MVB12B: variants seen among roughly 807,000 people sequenced by gnomAD.
The protein encoded by MVB12B is ESCRT-I complex subunit MVB12B.
A neutral mutation model predicts 41.6 loss-of-function variants in MVB12B; 16 were observed. That is an observed-to-expected ratio of 0.38 (90% CI 0.26 to 0.58). MVB12B has a LOEUF of 0.58. Ranked by LOEUF, MVB12B falls within the 20% of genes least tolerant of loss-of-function variation. The probability of loss-of-function intolerance (pLI) is 0.62; values close to 1 mark genes in which losing one functional copy is unlikely to be tolerated. For missense variants in MVB12B, 274 were observed against 380.2 expected (o/e 0.72, Z 2.32); for synonymous variants, 133 against 139.7 (o/e 0.95, Z 0.34).
intron 7 of MVB12B, among the ~76,000 whole-genome samples, chr9:126,453,734 T>C (rs1832925516): frequency 6.6e-6 from 1 of 152,308 alleles, no homozygotes; most frequent in East Asian, 1.9e-4. Context: ...CACGTGTACA[T>C]ACATACCGTG....
rs1831075064 is a variant in MVB12B, at chr9:126,395,201, C to G, written c.540-374C>G. ...TCTTCTCATGGTTAAAAACCAGCAT[C>G]TCCCTATCTGTCTCTCCTAATTGCA... On this transcript the variant is annotated intron_variant, in intron 5 of 9. Coordinates refer to ENST00000361171, the MANE Select transcript of MVB12B (RefSeq NM_033446.3). This position sits in a 1 kb window ranked among gnomAD's most constrained non-coding sequence, Gnocchi z 4.9. Among the ~76,000 whole-genome samples, 1 of 152,240 alleles carries G rather than the reference C, an allele frequency of 6.6e-6. No individual in the cohort carries two copies. The highest frequency in any genetic ancestry group is 2.1e-4 in the South Asian group (1 of 4,834).
chr9:126,408,200 C>A (rs1330600858), intron 6 of MVB12B: 1 of 152,132 alleles, frequency 6.6e-6, no homozygotes, highest in Non-Finnish European at 1.5e-5. Flanking sequence ...ATTTTGCCGT[C>A]GCCATGGTTG....
chr9:126,369,022 T>G (rs1830262410), intron 2 of MVB12B, among the ~76,000 whole-genome samples: 1 of 152,200 alleles, frequency 6.6e-6, no homozygotes. Context: ...TGATGCTCCG[T>G]GGTTGAGTGA....
intron 7 of MVB12B, among the ~76,000 whole-genome samples, chr9:126,457,356 G>A (rs956211684): frequency 6.6e-6 from 1 of 152,156 alleles, no homozygotes; most frequent in Non-Finnish European, 1.5e-5. Context: ...TCTCAGCCAG[G>A]CTGAAATCTG....
intron 8 of MVB12B, among the ~76,000 whole-genome samples, chr9:126,482,706 G>C (rs543824674): frequency 6.6e-6 from 1 of 152,226 alleles, no homozygotes. Flanking sequence ...GCACCACACT[G>C]TTCCGTGGCT....
intron 7 of MVB12B, among the ~76,000 whole-genome samples, chr9:126,432,990 T>C (rs1832369284): frequency 6.6e-6 from 1 of 152,108 alleles, no homozygotes; most frequent in Admixed American, 6.5e-5. Flanking sequence ...ACTTGGCTGA[T>C]GGCAATGCTG....
intron 2 of MVB12B, among the ~76,000 whole-genome samples, chr9:126,342,800 G>T (rs1305072635): frequency 1.3e-5 from 2 of 152,190 alleles, no homozygotes; most frequent in Non-Finnish European, 2.9e-5. Flanking sequence ...TTTATCTGGA[G>T]TTTCATATTA....
At chr9:126,443,945 A>C (rs1832705812) in intron 7 of MVB12B, among the ~76,000 whole-genome samples, 1 of 152,240 alleles carries the variant, frequency 6.6e-6, no homozygotes, top group Non-Finnish European at 1.5e-5. Flanking sequence ...GGACTCATAC[A>C]ATATGTAGCT....
At chr9:126,428,825 T>G (rs1276123301) in intron 7 of MVB12B, among the ~76,000 whole-genome samples, 2 of 152,124 alleles carry the variant, frequency 1.3e-5, no homozygotes, top group African/African-American at 4.8e-5. Context: ...TGTCTTCTGG[T>G]GCAAGCCCCT....
In MVB12B at chr9:126,367,295, C is replaced by T. The variant is rs1564292354; in HGVS notation, c.205-13769C>T. Among the ~76,000 whole-genome samples the T allele has an allele frequency of 6.6e-6, 1 of 152,106 alleles. No individual in the cohort carries two copies. Among genetic ancestry groups the T allele is most frequent in the South Asian group, 2.1e-4 (1 of 4,804 alleles). Reference sequence around the variant, plus strand: ...GGATGGGGCAGGTCCTAAGACAGCACCTGCCCTGCAGCCTCCCAGGTTCCA... The same window carrying T: ...GGATGGGGCAGGTCCTAAGACAGCATCTGCCCTGCAGCCTCCCAGGTTCCA... On this transcript the variant is annotated intron_variant, in intron 2 of 9. Transcript: ENST00000361171. The surrounding 1 kb of genome is among the most constrained non-coding windows in gnomAD (Gnocchi z 4.3).
At chr9:126,380,250 T>G (rs939359887) in intron 2 of MVB12B, among the ~76,000 whole-genome samples, 2 of 152,088 alleles carry the variant, frequency 1.3e-5, no homozygotes, top group South Asian at 2.1e-4. Flanking sequence ...TCTCCTAGCC[T>G]TCTTCTCCTC....
At chr9:126,490,777 A>T (rs1833715319) in intron 9 of MVB12B, among the ~76,000 whole-genome samples, 1 of 152,222 alleles carries the variant, frequency 6.6e-6, no homozygotes. Context: ...AGAAGTTATA[A>T]ATCTAAGGGA....
chr9:126,432,895 T>C (rs1832366138), intron 7 of MVB12B, among the ~76,000 whole-genome samples: 1 of 152,146 alleles, frequency 6.6e-6, no homozygotes, highest in Non-Finnish European at 1.5e-5. Context: ...ACTAACTTGG[T>C]GTACTGGGCC....
intron 7 of MVB12B, among the ~76,000 whole-genome samples, chr9:126,439,952 A>G (rs942181913): frequency 3.9e-5 from 6 of 152,212 alleles, no homozygotes; most frequent in African/African-American, 4.8e-5. Context: ...ATTTATGTTC[A>G]GATATTGCTT....
chr9:126,461,455 A>T (rs1172702989), intron 7 of MVB12B, among the ~76,000 whole-genome samples: 2 of 152,188 alleles, frequency 1.3e-5, no homozygotes, highest in Non-Finnish European at 2.9e-5. Context: ...TTTATCATCA[A>T]CCCAGCTCGC....
chr9:126,435,198 A>G (rs1370132251), intron 7 of MVB12B, among the ~76,000 whole-genome samples: 3 of 152,198 alleles, frequency 2.0e-5, no homozygotes, highest in Non-Finnish European at 4.4e-5. Context: ...TGGAGCTGCT[A>G]TAACTGCCGT....
At chr9:126,410,141 T>TTG (rs3222493) in intron 6 of MVB12B, among the ~76,000 whole-genome samples, 18,541 of 148,392 alleles carry the variant, frequency 0.12, 1,197 homozygotes, top group African/African-American at 0.16. Flanking sequence ...TGATTTGGTT[T>TTG]TGTGTGTGTG....
intron 7 of MVB12B, among the ~76,000 whole-genome samples, chr9:126,422,996 G>A (rs895777981): frequency 1.3e-5 from 2 of 152,118 alleles, no homozygotes; most frequent in African/African-American, 4.8e-5. Flanking sequence ...AAGGGGAGAG[G>A]GAACGTGTTT....
chr9:126,406,295 G>A (rs1279228271), intron 6 of MVB12B, among the ~76,000 whole-genome samples: 2 of 152,204 alleles, frequency 1.3e-5, no homozygotes, highest in African/African-American at 4.8e-5. Flanking sequence ...CGTCCAGCCT[G>A]TAGCCCACAT....
Sources: allele counts gnomAD v4.1 joint callset (sites outside exome capture counted in the v4.1 genomes callset), GRCh38; gene constraint gnomAD v4.1.1; non-coding constraint Gnocchi (gnomAD v3.1); transcripts MANE v1.5; gene names NCBI Gene and HGNC (gene_info 2026-07-23, HGNC 2026-07-21).